The following WWOX variants were observed in gnomAD, a reference collection of about 807,000 sequenced individuals.
WWOX encodes WW domain containing oxidoreductase.
WWOX carries 69 observed loss-of-function variants against 46.2 expected under a neutral mutation model. The ratio of observed to expected loss-of-function variants is 1.49; its 90% CI spans 1.23 to 1.82. The LOEUF (loss-of-function observed/expected upper bound fraction) is 1.82. WWOX is among the 40% of genes most tolerant of loss of function. WWOX has a pLI of 0.00. For synonymous variants in WWOX, 359 were observed against 202.6 expected (o/e 1.77, Z -6.56); for missense variants, 919 against 542.6 (o/e 1.69, Z -6.89).
intron 8 of WWOX, among the ~76,000 whole-genome samples, chr16:79,088,136 T>A (rs1037395181): frequency 1.3e-5 from 2 of 152,140 alleles, no homozygotes; most frequent in Admixed American, 6.5e-5. Flanking sequence ...AACCATCAGA[T>A]AGAAGCATCT....
intron 8 of WWOX, among the ~76,000 whole-genome samples, chr16:78,865,514 C>T (rs1462165705): frequency 6.6e-6 from 1 of 152,092 alleles, no homozygotes; most frequent in Non-Finnish European, 1.5e-5. Context: ...CACAAAATAG[C>T]AATACAAATT....
chr16:78,921,711 G>A (rs1455582474), intron 8 of WWOX, among the ~76,000 whole-genome samples: 2 of 152,168 alleles, frequency 1.3e-5, no homozygotes, highest in East Asian at 1.9e-4. Flanking sequence ...AGTAAGCAGA[G>A]TGTGTGTCTA....
chr16:78,792,063 G>A (rs7184611), intron 8 of WWOX, among the ~76,000 whole-genome samples: 3 of 151,870 alleles, frequency 2.0e-5, no homozygotes, highest in Non-Finnish European at 4.4e-5. Context: ...GCTTAGCCCT[G>A]TCCCTGGTGC....
chr16:79,102,142 A>G (rs1435036757), intron 8 of WWOX, among the ~76,000 whole-genome samples: 1 of 151,484 alleles, frequency 6.6e-6, no homozygotes, highest in Admixed American at 6.6e-5. Flanking sequence ...AATGTACTGG[A>G]GTGCTTATAG....
intron 5 of WWOX, among the ~76,000 whole-genome samples, chr16:78,330,778 C>A (rs970900902): frequency 6.6e-6 from 1 of 152,244 alleles, no homozygotes; most frequent in African/African-American, 2.4e-5. Flanking sequence ...TCACTTCTTT[C>A]AGTCACCCTC....
intron 8 of WWOX, among the ~76,000 whole-genome samples, chr16:78,879,182 C>G (rs754030612): frequency 3.3e-5 from 5 of 152,152 alleles, no homozygotes; most frequent in African/African-American, 7.2e-5. Context: ...AGGAGCTCAT[C>G]TTTCACGGTC....
intron 8 of WWOX, among the ~76,000 whole-genome samples, chr16:78,608,706 G>C (rs1250557240): frequency 6.6e-6 from 1 of 152,166 alleles, no homozygotes; most frequent in Non-Finnish European, 1.5e-5. Flanking sequence ...TGACATGACG[G>C]GACCTTTACA....
chr16:78,485,676 A>C (rs768479577), intron 8 of WWOX, among the ~76,000 whole-genome samples: 1 of 152,242 alleles, frequency 6.6e-6, no homozygotes, highest in Non-Finnish European at 1.5e-5. Context: ...ACAAGTGAGC[A>C]ATTGTGCTTC....
chr16:79,211,845 C>G lies in WWOX; in HGVS notation c.*49C>G. ...CACACACCCGCCCTGTGTGTGTCCC[C>G]TCACGCAAGTGCCAGGGCTGGGCCC... On this transcript the variant is annotated 3_prime_UTR_variant, in exon 9 of 9. Coordinates refer to ENST00000566780, the MANE Select transcript of WWOX (RefSeq NM_016373.4). 2.5e-6 allele frequency: 4 copies of G among 1,610,696 alleles called. No individual in the cohort carries two copies. The highest frequency in any genetic ancestry group is 1.1e-5 in the South Asian group (1 of 90,750).
chr16:78,483,147 T>A (rs2084537635), intron 8 of WWOX, among the ~76,000 whole-genome samples: 1 of 152,206 alleles, frequency 6.6e-6, no homozygotes, highest in African/African-American at 2.4e-5. Context: ...TGTGTTAGAC[T>A]GCTTTTCTTC....
intron 8 of WWOX, among the ~76,000 whole-genome samples, chr16:78,798,181 C>G (rs1223602958): frequency 3.3e-5 from 5 of 152,122 alleles, no homozygotes; most frequent in African/African-American, 9.7e-5. Flanking sequence ...AGCCACGGCA[C>G]CTTTGCCACA....
chr16:78,242,566 G>A (rs574486818), intron 5 of WWOX, among the ~76,000 whole-genome samples: 8 of 152,310 alleles, frequency 5.3e-5, no homozygotes, highest in Middle Eastern at 3.4e-3. Context: ...GAGTGAGGGA[G>A]ACGTGGAACC....
intron 8 of WWOX, among the ~76,000 whole-genome samples, chr16:79,096,570 T>A (rs567368228): frequency 4.4e-4 from 67 of 152,316 alleles, no homozygotes; most frequent in African/African-American, 1.6e-3. Context: ...ATACCATCTT[T>A]AAAACAGCAA....
chr16:78,895,734 GC>G (rs2044687254), intron 8 of WWOX: 1 of 152,168 alleles, frequency 6.6e-6, no homozygotes, highest in Non-Finnish European at 1.5e-5. Context: ...ATTGAGGAAC[GC>G]AAGACTTAAA....
At chr16:79,049,329 C>G (rs907825830) in intron 8 of WWOX, among the ~76,000 whole-genome samples, 1 of 152,200 alleles carries the variant, frequency 6.6e-6, no homozygotes, top group African/African-American at 2.4e-5. Flanking sequence ...CGTGCCCGCT[C>G]TTTCACACTG....
intron 8 of WWOX, among the ~76,000 whole-genome samples, chr16:79,170,974 A>G (rs1324229461): frequency 6.6e-6 from 1 of 152,182 alleles, no homozygotes; most frequent in African/African-American, 2.4e-5. Flanking sequence ...ACACTCCCCA[A>G]TCTAAGAAAA....
chr16:78,714,721 TG>T (rs1313029480), intron 8 of WWOX, among the ~76,000 whole-genome samples: 1 of 152,064 alleles, frequency 6.6e-6, no homozygotes, highest in African/African-American at 2.4e-5. Flanking sequence ...CAATGGAACT[TG>T]GGCGGAATAA....
chr16:78,754,018 T>G (rs927006808), intron 8 of WWOX, among the ~76,000 whole-genome samples: 4 of 151,532 alleles, frequency 2.6e-5, no homozygotes, highest in Non-Finnish European at 5.9e-5. Context: ...ATTATTAAAT[T>G]ATCATTAATG....
chr16:78,631,677 C>T (rs764611523), intron 8 of WWOX, among the ~76,000 whole-genome samples: 33 of 151,960 alleles, frequency 2.2e-4, no homozygotes, highest in Non-Finnish European at 3.4e-4. Flanking sequence ...TAGGGCTACA[C>T]GTGTGTGCCA....
Sources: gnomAD v4.1 joint callset for allele counts (sites outside exome capture counted in the v4.1 genomes callset) on GRCh38, gnomAD v4.1.1 for gene constraint, MANE v1.5 for transcripts, NCBI Gene and HGNC (gene_info 2026-07-23, HGNC 2026-07-21) for gene names.